CREB3L2: variants seen among roughly 807,000 people sequenced by gnomAD.
The protein encoded by CREB3L2 is cAMP responsive element binding protein 3 like 2.
Under a neutral mutation model 57.2 loss-of-function variants are expected in CREB3L2, and 23 were observed. The observed-to-expected ratio is 0.40, with a 90% CI of 0.29 to 0.57. The LOEUF (loss-of-function observed/expected upper bound fraction) is 0.57. CREB3L2 is among the 20% of genes least tolerant of loss of function. The pLI is 0.42. For missense variants in CREB3L2, 628 were observed against 634.7 expected (o/e 0.99, Z 0.11); for synonymous variants, 268 against 265.1 (o/e 1.01, Z -0.11).
At chr7:137,930,166 G>C (rs1800584458) in intron 1 of CREB3L2, among the ~76,000 whole-genome samples, 2 of 152,026 alleles carry the variant, frequency 1.3e-5, no homozygotes, top group African/African-American at 4.8e-5. Flanking sequence ...CAAAGTGCTG[G>C]GATTACAGGC....
At chr7:137,996,696 C>T (rs1292008485) in intron 1 of CREB3L2, among the ~76,000 whole-genome samples, 1 of 152,222 alleles carries the variant, frequency 6.6e-6, no homozygotes, top group African/African-American at 2.4e-5. Context: ...GCCTTTCCAT[C>T]TGGACACCAG....
chr7:137,957,169 C>G (rs1801232835), intron 1 of CREB3L2, among the ~76,000 whole-genome samples: 1 of 152,186 alleles, frequency 6.6e-6, no homozygotes, highest in South Asian at 2.1e-4. Flanking sequence ...TTCCTACAGC[C>G]TGGAATTCCA....
intron 8 of CREB3L2, 30 bp from the exon 9 acceptor site, chr7:137,885,532 A>C (rs1178533453): frequency 6.5e-7 from 1 of 1,536,540 alleles, no homozygotes; most frequent in Admixed American, 1.7e-5. Flanking sequence ...CCGTGAGGGG[A>C]GTCTGACAGA....
chr7:137,954,749 T>C (rs1801175025), intron 1 of CREB3L2, among the ~76,000 whole-genome samples: 1 of 152,162 alleles, frequency 6.6e-6, no homozygotes, highest in Admixed American at 6.5e-5. Context: ...GAGGAAGGCA[T>C]GGAGGCTAGA....
intron 8 of CREB3L2, among the ~76,000 whole-genome samples, chr7:137,892,247 A>T (rs1164348710): frequency 6.6e-6 from 1 of 151,618 alleles, no homozygotes; most frequent in Non-Finnish European, 1.5e-5. Context: ...GTATATGTAC[A>T]TGTTCATGTG....
At chr7:137,920,575 A>G (rs768038249) in intron 2 of CREB3L2, among the ~76,000 whole-genome samples, 9 of 152,228 alleles carry the variant, frequency 5.9e-5, no homozygotes, top group Non-Finnish European at 1.3e-4. Flanking sequence ...TAGCTGATAC[A>G]ATATAGCCGA....
intron 5 of CREB3L2, among the ~76,000 whole-genome samples, chr7:137,906,753 G>A (rs946309141): frequency 1.3e-5 from 2 of 152,218 alleles, no homozygotes; most frequent in Non-Finnish European, 2.9e-5. Flanking sequence ...TTGTGAGAGT[G>A]AATGAATCTC....
In CREB3L2 at chr7:137,882,544, C is replaced by T. The variant is rs762389207; in HGVS notation, c.1355G>A (p.Gly452Asp). The change falls in exon 11 of 12, where the codon GGC becomes GAC. Residue 452 changes from glycine (G) to aspartate (D), a missense_variant. Gly to Asp is a moderately conservative substitution (Grantham distance 94). Around this residue, in one of 3 missense-constraint regions of CREB3L2, gnomAD observed 272 missense variants for 242.7 expected, o/e 1.12. Transcript: ENST00000330387. ...SSPGSAGELG[G>D]WDRGSSLLRV... The stretch of plus-strand genomic sequence containing the variant: ...GAGCAGGGAGGAACCTCTATCCCAG[C>T]CCCCCAGCTCCCCAGCCGAGCCCGG... The T allele has an allele frequency of 7.4e-6, 12 of 1,613,532 alleles. No individual in the cohort carries two copies. Among genetic ancestry groups the T allele is most frequent in the South Asian group, 6.6e-5 (6 of 91,042 alleles).
In CREB3L2 at chr7:137,878,295, T is replaced by C; in HGVS notation, c.*2181A>G. ...CCCAGTCTGGTTCAGTTGCAGCAGG[T>C]ACATGGGTTGGCTCATTCTCTCACT... On this transcript the variant is annotated 3_prime_UTR_variant, in exon 12 of 12. Coordinates refer to ENST00000330387, the MANE Select transcript of CREB3L2 (RefSeq NM_194071.4). 4.3e-6 allele frequency: 1 copy of C among 233,028 alleles called. No individual in the cohort carries two copies. The highest frequency in any genetic ancestry group is 6.0e-5 in the East Asian group (1 of 16,538). The allele number at this position is 233,028 out of a possible 1,614,324, so 14.4% of individuals were successfully genotyped here.
intron 2 of CREB3L2, among the ~76,000 whole-genome samples, chr7:137,922,384 G>GTATATATATATATA (rs1175503933): frequency 4.6e-4 from 9 of 19,580 alleles, no homozygotes; most frequent in Admixed American, 1.6e-3. Context: ...ATATATATAT[G>GTATATATATATATA]TATATATATA....
rs570118054 is a variant in CREB3L2 at position 137,903,978 on chromosome 7, T to C, written c.955A>G (p.Met319Val). The change falls in exon 7 of 12, where the codon ATG (methionine) becomes GTG (valine). Residue 319 changes from methionine to valine, a missense_variant. Met to Val is a conservative substitution (Grantham distance 21). Transcript: ENST00000330387. ...GCTTACTTTTTCTCCAGGCTGTCCA[T>C]GTATTCTTTCTTCTTTCTCCTACTT... ...QESRRKKKEYMDSLEKKVESC... is the reference protein window; with the variant it reads ...QESRRKKKEYVDSLEKKVESC... 124 of 1,613,776 alleles carry C rather than the reference T, an allele frequency of 7.7e-5. No individual in the cohort carries two copies. The Admixed American group carries it at 2.0e-3, about 26-fold the overall frequency.
intron 1 of CREB3L2, among the ~76,000 whole-genome samples, chr7:137,981,165 C>T (rs537245978): frequency 7.3e-4 from 111 of 151,402 alleles, no homozygotes; most frequent in Middle Eastern, 3.4e-3. Context: ...GGAAGGCCTG[C>T]GTGAATGAAA....
chr7:137,992,162 G>A (rs1801910083), intron 1 of CREB3L2, among the ~76,000 whole-genome samples: 1 of 152,138 alleles, frequency 6.6e-6, no homozygotes, highest in Admixed American at 6.5e-5. Flanking sequence ...CAGAGCAGCT[G>A]TACACACAAG....
chr7:137,903,167 G>A (rs954816440), intron 7 of CREB3L2, among the ~76,000 whole-genome samples: 9 of 152,056 alleles, frequency 5.9e-5, no homozygotes, highest in African/African-American at 1.9e-4. Context: ...ATCTGAGGAC[G>A]CTGAACCCCC....
At chr7:137,942,961 T>C (rs1585646910) in intron 1 of CREB3L2, among the ~76,000 whole-genome samples, 1 of 152,232 alleles carries the variant, frequency 6.6e-6, no homozygotes, top group African/African-American at 2.4e-5. Flanking sequence ...GTGGGGGAGA[T>C]ATTCTAGAAA....
Position 137,969,099 on chromosome 7 carries a change from T to C in CREB3L2, c.102+32505A>G, listed in dbSNP as rs184270405. ...AGGGCAGAGAGCTCAAATCTGGAAC[T>C]CCAGCAAGATCCCTGGTCTCCTAGT... is the stretch of plus-strand genomic sequence containing the variant. On this transcript the variant is annotated intron_variant, in intron 1 of 11. Coordinates refer to ENST00000330387, the MANE Select transcript of CREB3L2 (RefSeq NM_194071.4). 3.3e-4 allele frequency among the ~76,000 whole-genome samples: 51 copies of C among 152,286 alleles called. 1 individual carries two copies. Among genetic ancestry groups the C allele is most frequent in the Non-Finnish European group, 8.8e-5 (6 of 68,022 alleles).
At chr7:137,975,732 T>TA (rs113182968) in intron 1 of CREB3L2, among the ~76,000 whole-genome samples, 2 of 152,094 alleles carry the variant, frequency 1.3e-5, no homozygotes, top group Non-Finnish European at 2.9e-5. Flanking sequence ...ATTTAAAAAT[T>TA]AAAAAAGAAG....
intron 1 of CREB3L2, among the ~76,000 whole-genome samples, chr7:137,964,779 T>C (rs1383807637): frequency 6.6e-6 from 1 of 152,250 alleles, no homozygotes; most frequent in Non-Finnish European, 1.5e-5. Flanking sequence ...TGAGCTCCCA[T>C]AATTCCCACA....
At chr7:137,928,903 G>C (rs1163888059) in intron 1 of CREB3L2, among the ~76,000 whole-genome samples, 2 of 152,168 alleles carry the variant, frequency 1.3e-5, no homozygotes, top group Non-Finnish European at 1.5e-5. Context: ...TCACAATGCA[G>C]ACGAGTGTGG....
Sources: allele counts gnomAD v4.1 joint callset (sites outside exome capture counted in the v4.1 genomes callset), GRCh38; gene constraint gnomAD v4.1.1; regional missense constraint gnomAD v4.1.1; transcripts MANE v1.5; gene names NCBI Gene and HGNC (gene_info 2026-07-23, HGNC 2026-07-21).